The following PTPRK variants were observed in gnomAD, a reference collection of about 807,000 sequenced individuals.
PTPRK encodes the protein protein tyrosine phosphatase receptor type K, also known as receptor-type tyrosine-protein phosphatase kappa.
Under a neutral mutation model 178.0 loss-of-function variants are expected in PTPRK, and 75 were observed. The ratio of observed to expected loss-of-function variants is 0.42; its 90% CI spans 0.35 to 0.51. PTPRK has a LOEUF of 0.51. Ranked by LOEUF, PTPRK falls within the 20% of genes least tolerant of loss-of-function variation. The pLI is 0.02. For synonymous variants in PTPRK, 637 were observed against 620.6 expected (o/e 1.03, Z -0.39); for missense variants, 1,441 against 1,797.8 (o/e 0.80, Z 3.59).
intron 14 of PTPRK, 148 bp from the exon 15 acceptor site, chr6:128,005,392 A>G: frequency 1.6e-6 from 1 of 608,032 alleles, no homozygotes. Flanking sequence ...TCAGGAATTA[A>G]GTTTGACATT....
At chr6:128,217,573 A>T (rs2128270775) in intron 6 of PTPRK, among the ~76,000 whole-genome samples, 1 of 152,348 alleles carries the variant, frequency 6.6e-6, no homozygotes, top group East Asian at 1.9e-4. Flanking sequence ...TTCGTTAAAA[A>T]TATCAAAGGT....
At chr6:128,168,111 GATCA>G (rs1799677698) in intron 7 of PTPRK, among the ~76,000 whole-genome samples, 1 of 152,040 alleles carries the variant, frequency 6.6e-6, no homozygotes, top group South Asian at 2.1e-4. Context: ...AATGCTTCTG[GATCA>G]ACAGCAAATG....
chr6:128,316,783 T>C (rs1338854311), intron 3 of PTPRK, among the ~76,000 whole-genome samples: 1 of 150,250 alleles, frequency 6.7e-6, no homozygotes, highest in Non-Finnish European at 1.5e-5. Context: ...AGTGGTGCGA[T>C]CTCCACTCAC....
chr6:128,025,238 C>T (rs2114775624), intron 13 of PTPRK, among the ~76,000 whole-genome samples: 1 of 152,312 alleles, frequency 6.6e-6, no homozygotes, highest in Middle Eastern at 3.4e-3. Flanking sequence ...GTTTTGTATT[C>T]CTTCATTAGT....
intron 7 of PTPRK, among the ~76,000 whole-genome samples, chr6:128,116,266 T>C (rs1444117936): frequency 1.3e-5 from 2 of 152,156 alleles, no homozygotes. Flanking sequence ...TTTCTATGCT[T>C]CTTATCTTTA....
chr6:128,166,895 T>C (rs1312829805), intron 7 of PTPRK, among the ~76,000 whole-genome samples: 1 of 151,766 alleles, frequency 6.6e-6, no homozygotes, highest in Non-Finnish European at 1.5e-5. Context: ...TAAAGGCCAG[T>C]TGAATAACAT....
At chr6:128,356,261 GCAA>G (rs1177356995) in intron 2 of PTPRK, among the ~76,000 whole-genome samples, 1 of 151,746 alleles carries the variant, frequency 6.6e-6, no homozygotes, top group Non-Finnish European at 1.5e-5. Context: ...AACAACAACA[GCAA>G]CAACAACAAT....
At chr6:128,419,351 G>C (rs1348403118) in intron 1 of PTPRK, among the ~76,000 whole-genome samples, 1 of 152,144 alleles carries the variant, frequency 6.6e-6, no homozygotes. Flanking sequence ...GGTGGCTCAC[G>C]CCTGTAATCC....
At chr6:128,517,513 G>C (rs567905633) in intron 1 of PTPRK, among the ~76,000 whole-genome samples, 1 of 152,288 alleles carries the variant, frequency 6.6e-6, no homozygotes, top group East Asian at 1.9e-4. Context: ...TTTTAAGTGA[G>C]AGGTGAAACT....
chr6:128,504,574 G>C (rs1053364334), intron 1 of PTPRK, among the ~76,000 whole-genome samples: 1 of 152,160 alleles, frequency 6.6e-6, no homozygotes, highest in Non-Finnish European at 1.5e-5. Flanking sequence ...CTTCAACTGG[G>C]ATGTGCATTC....
At chr6:128,152,297 T>A (rs1000226968) in intron 7 of PTPRK, among the ~76,000 whole-genome samples, 1 of 151,788 alleles carries the variant, frequency 6.6e-6, no homozygotes, top group African/African-American at 2.4e-5. Flanking sequence ...AAATAAGAAG[T>A]GGAAAGAGAT....
intron 3 of PTPRK, among the ~76,000 whole-genome samples, chr6:128,262,093 C>A (rs1818263389): frequency 6.6e-6 from 1 of 152,142 alleles, no homozygotes; most frequent in African/African-American, 2.4e-5. Flanking sequence ...TGCTGTATGG[C>A]TTGGTATTAC....
chr6:128,138,758 T>A (rs2114498860), intron 7 of PTPRK, among the ~76,000 whole-genome samples: 1 of 152,214 alleles, frequency 6.6e-6, no homozygotes, highest in Admixed American at 6.6e-5. Flanking sequence ...GCATCAGCAA[T>A]ACTGAGCCTT....
At chr6:128,284,273 A>G (rs1478735465) in intron 3 of PTPRK, among the ~76,000 whole-genome samples, 2 of 152,216 alleles carry the variant, frequency 1.3e-5, no homozygotes, top group African/African-American at 2.4e-5. Flanking sequence ...AGTACTAACA[A>G]TTCAAATGCC....
intron 7 of PTPRK, among the ~76,000 whole-genome samples, chr6:128,096,073 T>A (rs934788638): frequency 1.3e-5 from 2 of 152,130 alleles, no homozygotes; most frequent in Non-Finnish European, 2.9e-5. Context: ...CAGGATGAAA[T>A]ATAAAGAAAT....
At chr6:128,409,311 T>C (rs1044515822) in intron 1 of PTPRK, 1 of 455,148 alleles carries the variant, frequency 2.2e-6, no homozygotes, top group Non-Finnish European at 4.4e-6. Flanking sequence ...TCACTTGTCA[T>C]TTCAGTAACT....
At chr6:128,306,025 A>G (rs756524452) in intron 3 of PTPRK, among the ~76,000 whole-genome samples, 2 of 152,226 alleles carry the variant, frequency 1.3e-5, no homozygotes, top group East Asian at 1.9e-4. Context: ...AGCCTCTTAT[A>G]AAACCATCAG....
chr6:127,989,584 A>C (rs1322054059), intron 21 of PTPRK, among the ~76,000 whole-genome samples: 1 of 152,074 alleles, frequency 6.6e-6, no homozygotes, highest in Non-Finnish European at 1.5e-5. Flanking sequence ...AAGGACATAA[A>C]CATTTTAAAG....
intron 2 of PTPRK, among the ~76,000 whole-genome samples, chr6:128,332,983 C>T (rs1156356919): frequency 6.6e-6 from 1 of 152,162 alleles, no homozygotes; most frequent in Non-Finnish European, 1.5e-5. Context: ...GCTATCCAAC[C>T]TGCACAGCTT....
Sources: gnomAD v4.1 joint callset for allele counts (sites outside exome capture counted in the v4.1 genomes callset) on GRCh38, gnomAD v4.1.1 for gene constraint, MANE v1.5 for transcripts, NCBI Gene and HGNC (gene_info 2026-07-23, HGNC 2026-07-21) for gene names.